The following LHFPL3 variants were observed in gnomAD, a reference collection of about 807,000 sequenced individuals.
LHFPL3 encodes the protein LHFPL tetraspan subfamily member 3 protein.
A neutral mutation model predicts 19.3 loss-of-function variants in LHFPL3; 5 were observed. That is an observed-to-expected ratio of 0.26 (90% CI 0.14 to 0.54). LHFPL3 has a LOEUF of 0.54. Ranked by LOEUF, LHFPL3 falls within the 20% of genes least tolerant of loss-of-function variation. LHFPL3 has a pLI of 0.94. For missense variants in LHFPL3, 249 were observed against 307.4 expected (o/e 0.81, Z 1.42); for synonymous variants, 133 against 126.2 (o/e 1.05, Z -0.36).
At position 104,413,541 on chromosome 7, in the gene LHFPL3, A is replaced by G. The variant is rs377638801; in HGVS notation, c.445+84317A>G. 6.8e-4 allele frequency among the ~76,000 whole-genome samples: 104 copies of G among 152,342 alleles called. 1 individual carries two copies. Among genetic ancestry groups the G allele is most frequent in the African/African-American group, 2.4e-3 (101 of 41,588 alleles). ...TTAGAGGTGAGGAAACAGAGCAGCA[A>G]GAAAGCTTGTTCGAGGTCACATAGC... On this transcript the variant is annotated intron_variant, in intron 1 of 2. Transcript: ENST00000424859.
intron 1 of LHFPL3, among the ~76,000 whole-genome samples, chr7:104,458,751 T>C (rs1394664652): frequency 6.6e-6 from 1 of 151,588 alleles, no homozygotes; most frequent in Admixed American, 6.6e-5. Context: ...CTTTATGTGG[T>C]GTTATTGGCT....
chr7:104,837,924 G>C (rs891670601), intron 2 of LHFPL3, among the ~76,000 whole-genome samples: 1 of 152,172 alleles, frequency 6.6e-6, no homozygotes, highest in African/African-American at 2.4e-5. Context: ...TTTAATGCTA[G>C]CATGCCTTCA....
intron 1 of LHFPL3, among the ~76,000 whole-genome samples, chr7:104,652,036 G>A (rs542972863): frequency 6.6e-6 from 1 of 152,210 alleles, no homozygotes; most frequent in Non-Finnish European, 1.5e-5. Context: ...AGGAGGAGGA[G>A]AGAGGCATCT....
At chr7:104,536,558 T>C (rs1458128874) in intron 1 of LHFPL3, among the ~76,000 whole-genome samples, 1 of 152,238 alleles carries the variant, frequency 6.6e-6, no homozygotes, top group Non-Finnish European at 1.5e-5. Context: ...ATTAAAGTTG[T>C]AGTTCTGTTG....
intron 1 of LHFPL3, among the ~76,000 whole-genome samples, chr7:104,346,659 A>G (rs1471393354): frequency 2.1e-5 from 3 of 142,474 alleles, no homozygotes; most frequent in Admixed American, 1.5e-4. Context: ...ACACGTATGT[A>G]GTGTAGTAGA....
intron 1 of LHFPL3, among the ~76,000 whole-genome samples, chr7:104,621,816 C>T (rs1791451225): frequency 6.6e-6 from 1 of 152,116 alleles, no homozygotes; most frequent in Admixed American, 6.5e-5. Flanking sequence ...ATAAATAGAG[C>T]TTGTAAAACC....
At chr7:104,869,909 CCA>C (rs2116656430) in intron 2 of LHFPL3, among the ~76,000 whole-genome samples, 1 of 152,188 alleles carries the variant, frequency 6.6e-6, no homozygotes, top group South Asian at 2.1e-4. Flanking sequence ...TAGTATGCAG[CCA>C]TAAAAAATGA....
chr7:104,405,803 G>A (rs1791401700), intron 1 of LHFPL3, among the ~76,000 whole-genome samples: 1 of 152,154 alleles, frequency 6.6e-6, no homozygotes, highest in South Asian at 2.1e-4. Flanking sequence ...GAGAGGACTT[G>A]GATGTAACTG....
intron 2 of LHFPL3, chr7:104,768,569 C>T (rs1217168087): frequency 6.6e-6 from 1 of 152,204 alleles, no homozygotes; most frequent in Admixed American, 6.5e-5. Context: ...CTCTTCCTAG[C>T]AGCAGAATCC....
At chr7:104,406,074 TAACTTTTCACAAG>T (rs1791407870) in intron 1 of LHFPL3, among the ~76,000 whole-genome samples, 3 of 152,244 alleles carry the variant, frequency 2.0e-5, no homozygotes, top group Non-Finnish European at 2.9e-5. Context: ...CAAGGCTTCA[TAACTTTTCACAAG>T]TGTGCTGTCA....
chr7:104,328,667 C>A lies in LHFPL3; in HGVS notation c.-113C>A. The A allele has an allele frequency of 1.1e-6, 1 of 886,782 alleles. No individual in the cohort carries two copies. Among genetic ancestry groups the A allele is most frequent in the Non-Finnish European group, 1.7e-6 (1 of 575,030 alleles). The allele number at this position is 886,782 out of a possible 1,614,324, so 54.9% of individuals were successfully genotyped here. On this transcript the variant is annotated 5_prime_UTR_variant, in exon 1 of 3. Transcript: ENST00000424859. The surrounding 1 kb of genome is among the most constrained non-coding windows in gnomAD (Gnocchi z 4.6). The stretch of plus-strand genomic sequence containing the variant: ...TGAAACTGGTGCTGCTGGGCTGAGG[C>A]GGAGGCAGGGGAGTTGCAGCGCGCG...
intron 1 of LHFPL3, among the ~76,000 whole-genome samples, chr7:104,634,830 A>T (rs1054688688): frequency 6.6e-6 from 1 of 152,148 alleles, no homozygotes; most frequent in African/African-American, 2.4e-5. Flanking sequence ...AACTTCAATC[A>T]TTGGTGTCTC....
chr7:104,677,298 G>A (rs1792609706), intron 1 of LHFPL3, among the ~76,000 whole-genome samples: 2 of 151,446 alleles, frequency 1.3e-5, no homozygotes, highest in South Asian at 4.2e-4. Context: ...GATCATTTGA[G>A]CCTCGGAGTT....
rs1241381895 is a variant in LHFPL3, at chr7:104,593,017, GT to G, written c.446-143652del. Among the ~76,000 whole-genome samples the G allele has an allele frequency of 2.0e-5, 3 of 152,066 alleles. No individual in the cohort carries two copies. The East Asian group carries it at 5.8e-4, about 29-fold the overall frequency. On this transcript the variant is annotated intron_variant, in intron 1 of 2. Coordinates refer to ENST00000424859, the MANE Select transcript of LHFPL3 (RefSeq NM_199000.3). ...TGGATTCATTGATTTTTTTTGAAGGGTTTTTTGTGTCTCTATTTCCTTCAGT... is the reference window on the plus strand; with the variant it reads ...TGGATTCATTGATTTTTTTTGAAGGGTTTTTGTGTCTCTATTTCCTTCAGT...
At chr7:104,658,438 C>T (rs764379291) in intron 1 of LHFPL3, among the ~76,000 whole-genome samples, 13 of 152,248 alleles carry the variant, frequency 8.5e-5, no homozygotes, top group Non-Finnish European at 1.9e-4. Context: ...TTTAGTCCAC[C>T]TTGGAATTGC....
intron 1 of LHFPL3, among the ~76,000 whole-genome samples, chr7:104,428,934 G>A (rs1217890866): frequency 6.6e-6 from 1 of 151,960 alleles, no homozygotes; most frequent in Non-Finnish European, 1.5e-5. Context: ...CTGATGTCAG[G>A]GTTAGGTTCA....
chr7:104,588,648 G>T (rs1790637847), intron 1 of LHFPL3, among the ~76,000 whole-genome samples: 1 of 152,122 alleles, frequency 6.6e-6, no homozygotes, highest in Non-Finnish European at 1.5e-5. Context: ...TTCCAATTCT[G>T]TGAAGAAAGT....
At chr7:104,833,052 AT>A (rs1215690375) in intron 2 of LHFPL3, among the ~76,000 whole-genome samples, 5 of 7,204 alleles carry the variant, frequency 6.9e-4, no homozygotes, top group African/African-American at 7.1e-4. Flanking sequence ...TATTATATAT[AT>A]ATTATATATA....
intron 2 of LHFPL3, among the ~76,000 whole-genome samples, chr7:104,855,027 A>G (rs1791478106): frequency 6.6e-6 from 1 of 152,238 alleles, no homozygotes; most frequent in African/African-American, 2.4e-5. Context: ...TTTCCTGTGA[A>G]ATTGTACCAT....
Sources: allele counts gnomAD v4.1 joint callset (sites outside exome capture counted in the v4.1 genomes callset), GRCh38; gene constraint gnomAD v4.1.1; non-coding constraint Gnocchi (gnomAD v3.1); transcripts MANE v1.5; gene names NCBI Gene and HGNC (gene_info 2026-07-23, HGNC 2026-07-21).